SORBS2: variants seen among roughly 807,000 people sequenced by gnomAD.
SORBS2 encodes the protein sorbin and SH3 domain-containing protein 2.
SORBS2 carries 46 observed loss-of-function variants against 97.7 expected under a neutral mutation model. The ratio of observed to expected loss-of-function variants is 0.47; its 90% CI spans 0.37 to 0.60. The LOEUF is 0.60. Ranked by LOEUF, SORBS2 falls within the 20% of genes least tolerant of loss-of-function variation. The probability of loss-of-function intolerance (pLI) is 0.00; values close to 1 mark genes in which losing one functional copy is unlikely to be tolerated. For missense variants in SORBS2, 1,316 were observed against 1,282.3 expected (o/e 1.03, Z -0.40); for synonymous variants, 476 against 473.4 (o/e 1.01, Z -0.07).
intron 1 of SORBS2, among the ~76,000 whole-genome samples, chr4:185,802,516 TC>T (rs1381350737): frequency 2.0e-5 from 3 of 152,226 alleles, no homozygotes; most frequent in Non-Finnish European, 2.9e-5. Context: ...ATCAAGGCCA[TC>T]TTTTCAATAC....
intron 4 of SORBS2, among the ~76,000 whole-genome samples, chr4:185,639,573 T>G (rs1034351301): frequency 6.6e-6 from 1 of 152,252 alleles, no homozygotes; most frequent in Non-Finnish European, 1.5e-5. Context: ...TAGATTGATT[T>G]AGGCTGCTGA....
At chr4:185,800,911 C>T (rs2153657633) in intron 1 of SORBS2, among the ~76,000 whole-genome samples, 2 of 152,266 alleles carry the variant, frequency 1.3e-5, no homozygotes, top group Middle Eastern at 6.8e-3. Flanking sequence ...ATGGTAAGAA[C>T]ATTTGGATCT....
chr4:185,900,754 T>C (rs1449890627), intron 1 of SORBS2, among the ~76,000 whole-genome samples: 1 of 151,640 alleles, frequency 6.6e-6, no homozygotes, highest in East Asian at 1.9e-4. Context: ...TACGTATGAG[T>C]GGGAGAGAGA....
At chr4:185,679,542 T>G (rs1455349899) in intron 2 of SORBS2, among the ~76,000 whole-genome samples, 2 of 152,254 alleles carry the variant, frequency 1.3e-5, no homozygotes, top group Non-Finnish European at 2.9e-5. Context: ...AAATCTTCTA[T>G]ATGCACATTT....
intron 1 of SORBS2, among the ~76,000 whole-genome samples, chr4:185,935,771 T>C (rs1018493985): frequency 2.6e-5 from 4 of 152,120 alleles, no homozygotes; most frequent in Non-Finnish European, 5.9e-5. Flanking sequence ...AGAGCCGTAG[T>C]TGGTAACACA....
chr4:185,912,954 A>G (rs1442501300), intron 1 of SORBS2, among the ~76,000 whole-genome samples: 3 of 152,218 alleles, frequency 2.0e-5, no homozygotes, highest in Admixed American at 6.5e-5. Context: ...CATTAGTTTT[A>G]TGGGTGCAAT....
intron 1 of SORBS2, among the ~76,000 whole-genome samples, chr4:185,912,837 G>A (rs1332535020): frequency 4.6e-5 from 7 of 152,196 alleles, no homozygotes; most frequent in African/African-American, 1.7e-4. Context: ...ATGAACAATT[G>A]GAACTGTTAG....
chr4:185,757,125 A>T (rs1451873848), intron 2 of SORBS2: 2 of 481,318 alleles, frequency 4.2e-6, no homozygotes. Context: ...CACACTGTCC[A>T]CTGTAGGGGT....
At chr4:185,645,553 G>T (rs1251456046) in intron 4 of SORBS2, 2 of 152,192 alleles carry the variant, frequency 1.3e-5, no homozygotes, top group Admixed American at 6.5e-5. Flanking sequence ...CGCAAACACA[G>T]GGTTTCAAAG....
chr4:185,713,846 C>G (rs1042562790), intron 2 of SORBS2, among the ~76,000 whole-genome samples: 2 of 152,196 alleles, frequency 1.3e-5, no homozygotes, highest in Non-Finnish European at 2.9e-5. Context: ...TATGTTCATA[C>G]TGCACACCAT....
chr4:185,663,207 C>T (rs919713245), intron 4 of SORBS2, among the ~76,000 whole-genome samples: 5 of 152,322 alleles, frequency 3.3e-5, no homozygotes, highest in African/African-American at 1.2e-4. Flanking sequence ...TAGCTAAATA[C>T]ACACAACACA....
rs192459057 is a variant in SORBS2, at chr4:185,786,475, T to C, written c.-337-11109A>G. On this transcript the variant is annotated intron_variant, in intron 1 of 20. Coordinates refer to the SORBS2 transcript ENST00000284776. ...CAAACAAATACACACTAACTTAACA[T>C]TGATTGACTATGGTTATAATGAATG... 4.4e-4 allele frequency among the ~76,000 whole-genome samples: 67 copies of C among 152,324 alleles called. 1 individual carries two copies. The highest frequency in any genetic ancestry group is 1.1e-3 in the African/African-American group (46 of 41,564).
rs749042143 is a variant in SORBS2, at chr4:185,638,165, A to G, written c.397-7567T>C. On this transcript the variant is annotated intron_variant, in intron 4 of 14. Transcript: ENST00000418609. ...TCATCTGGATTTATGCGATCAGTCT[A>G]GAGCAGATGTGAAGGAAAAGGGAAG... 16 of 1,586,732 alleles carry G rather than the reference A, an allele frequency of 1.0e-5. No individual in the cohort carries two copies. Among genetic ancestry groups the G allele is most frequent in the African/African-American group, 1.3e-5 (1 of 74,390 alleles).
Position 185,606,851 on chromosome 4 carries a change from A to C in SORBS2, c.2796+4929T>G, listed in dbSNP as rs1349467703. The C allele has an allele frequency of 4.1e-6, 4 of 985,226 alleles. No homozygotes were observed. The East Asian group carries it at 3.4e-4, about 84-fold the overall frequency. The allele number at this position is 985,226 out of a possible 1,614,324, so 61.0% of individuals were successfully genotyped here. ...ATGACCGGAAGGGGTACAGGCAAGG[A>C]ACCCACGCTGGTGCACGCAGAGGCC... On this transcript the variant is annotated intron_variant, in intron 12 of 14. Coordinates refer to ENST00000418609, the Ensembl canonical transcript of SORBS2. This position sits in a 1 kb window ranked among gnomAD's most constrained non-coding sequence, Gnocchi z 4.3.
At chr4:185,923,562 C>T (rs1450584859) in intron 1 of SORBS2, among the ~76,000 whole-genome samples, 4 of 149,358 alleles carry the variant, frequency 2.7e-5, no homozygotes, top group Non-Finnish European at 5.9e-5. Context: ...CCTCTGCCTC[C>T]CAAAGCTCTG....
Position 185,607,257 on chromosome 4 carries a change from C to G in SORBS2, c.2796+4523G>C. The G allele has an allele frequency of 8.1e-7, 1 of 1,237,774 alleles. No individual in the cohort carries two copies. Among genetic ancestry groups the G allele is most frequent in the Non-Finnish European group, 1.0e-6 (1 of 967,032 alleles). The allele number at this position is 1,237,774 out of a possible 1,614,324, so 76.7% of individuals were successfully genotyped here. On this transcript the variant is annotated intron_variant, in intron 12 of 14. Transcript: ENST00000418609. This position sits in a 1 kb window ranked among gnomAD's most constrained non-coding sequence, Gnocchi z 5.2. Reference sequence around the variant, plus strand: ...CTGGTAGACATGAGGCTGTCAGGGACAACCAGCCCTGGCCAGTTCCCTGGA... The same window carrying G: ...CTGGTAGACATGAGGCTGTCAGGGAGAACCAGCCCTGGCCAGTTCCCTGGA...
intron 1 of SORBS2, among the ~76,000 whole-genome samples, chr4:185,885,332 C>A (rs1000381821): frequency 2.0e-4 from 31 of 152,174 alleles, no homozygotes; most frequent in African/African-American, 7.0e-4. Flanking sequence ...CCCCCGGGCA[C>A]CTGCTGTCTT....
At chr4:185,848,226 C>T (rs2149677236) in intron 1 of SORBS2, among the ~76,000 whole-genome samples, 1 of 152,278 alleles carries the variant, frequency 6.6e-6, no homozygotes, top group Admixed American at 6.5e-5. Flanking sequence ...TAGTGGTCCC[C>T]ATGATGATTC....
chr4:185,885,315 C>T (rs1159519461), intron 1 of SORBS2, among the ~76,000 whole-genome samples: 1 of 152,196 alleles, frequency 6.6e-6, no homozygotes, highest in Non-Finnish European at 1.5e-5. Context: ...TGAAATACGA[C>T]ATAGCACCCC....
Sources: gnomAD v4.1 joint callset for allele counts (sites outside exome capture counted in the v4.1 genomes callset) on GRCh38, gnomAD v4.1.1 for gene constraint, Gnocchi (gnomAD v3.1) non-coding constraint, MANE v1.5 for transcripts, NCBI Gene and HGNC (gene_info 2026-07-23, HGNC 2026-07-21) for gene names.